Variants in CLIP3 observed in about 807,000 individuals in gnomAD.
The protein encoded by CLIP3 is CAP-Gly domain-containing linker protein 3.
CLIP3 carries 15 observed loss-of-function variants against 59.4 expected under a neutral mutation model. The ratio of observed to expected loss-of-function variants is 0.25; its 90% CI spans 0.17 to 0.39. The LOEUF is 0.39. Ranked by LOEUF, CLIP3 falls within the 10% of genes least tolerant of loss-of-function variation. The probability of loss-of-function intolerance (pLI) is 1.00; values close to 1 mark genes in which losing one functional copy is unlikely to be tolerated. For missense variants in CLIP3, 495 were observed against 765.7 expected, an observed-to-expected ratio of 0.65 and a Z score of 4.17; for synonymous variants, 300 against 321.6, an observed-to-expected ratio of 0.93 and a Z score of 0.72.
chr19:36,028,059 G>A (rs970270706), intron 2 of CLIP3, among the ~76,000 whole-genome samples: 1 of 152,146 alleles, frequency 6.6e-6, no homozygotes, highest in Non-Finnish European at 1.5e-5. Flanking sequence ...AATAGAGGCT[G>A]TGCGCGGTGG....
At chr19:36,027,087 G>A in intron 3 of CLIP3, 42 bp from the exon 4 acceptor site, 3 of 1,595,074 alleles carry the variant, frequency 1.9e-6, no homozygotes, top group Non-Finnish European at 2.6e-6. Flanking sequence ...CCACACATGT[G>A]GGGAACCGCA....
rs572372222 is a variant in CLIP3, at chr19:36,015,935, G to A, written c.*223C>T. On this transcript the variant is annotated 3_prime_UTR_variant, in exon 14 of 14. Transcript: ENST00000360535. ...GTTGGGGATAGGGACTAGCCTGAAG[G>A]TGCTACTCAGGGAATCTCTTTCTGG... 1.1e-4 allele frequency: 64 copies of A among 597,922 alleles called. 1 individual carries two copies. The South Asian group carries it at 1.2e-3, about 11-fold the overall frequency. The allele number at this position is 597,922 out of a possible 1,614,324, so 37.0% of individuals were successfully genotyped here. A position where few individuals can be genotyped will look rare whatever the true frequency, so the allele number is the denominator to read the frequency against.
At chr19:36,020,098 A>G (rs1353763460) in intron 7 of CLIP3, among the ~76,000 whole-genome samples, 1 of 152,000 alleles carries the variant, frequency 6.6e-6, no homozygotes, top group African/African-American at 2.4e-5. Flanking sequence ...AAAGAAAGAA[A>G]AAAGGTAACC....
intron 7 of CLIP3, 101 bp from the exon 8 acceptor site, chr19:36,019,407 G>A: frequency 7.0e-7 from 1 of 1,426,782 alleles, no homozygotes; most frequent in Non-Finnish European, 9.6e-7. Flanking sequence ...AGGCCGCCCT[G>A]GGCCCAAACC....
Position 36,016,122 on chromosome 19 carries a change from T to C in CLIP3, c.*36A>G. The C allele has an allele frequency of 6.2e-7, 1 of 1,612,102 alleles. No homozygotes were observed. Among genetic ancestry groups the C allele is most frequent in the Non-Finnish European group, 8.5e-7 (1 of 1,178,386 alleles). On this transcript the variant is annotated 3_prime_UTR_variant, in exon 14 of 14. Transcript: ENST00000360535. The surrounding 1 kb of genome is among the most constrained non-coding windows in gnomAD (Gnocchi z 4.1). The stretch of plus-strand genomic sequence containing the variant: ...CTCCTCGGGTGTCAGGAGATGCTAG[T>C]GGGGACTCTGTCTCTTTGTCAGGTG...
chr19:36,026,043 T>C lies in CLIP3; in HGVS notation c.681+104A>G. The C allele has an allele frequency of 3.9e-6, 3 of 777,450 alleles. No individual in the cohort carries two copies. The highest frequency in any genetic ancestry group is 6.7e-6 in the Non-Finnish European group (3 of 447,142). 48.2% of individuals were successfully genotyped at this position (777,450 alleles called of 1,614,324 possible). On this transcript the variant is annotated intron_variant, in intron 6 of 13. Coordinates refer to ENST00000360535, the MANE Select transcript of CLIP3 (RefSeq NM_015526.3). This position sits in a 1 kb window ranked among gnomAD's most constrained non-coding sequence, Gnocchi z 6.3. ...GCATTTGCTGAATGTACAGACGGCATTTGTAGTATTTGGGGAGTCACGGGA... is the reference window on the plus strand; with the variant it reads ...GCATTTGCTGAATGTACAGACGGCACTTGTAGTATTTGGGGAGTCACGGGA...
Position 36,026,977 on chromosome 19 carries a change from C to T in CLIP3, c.375G>A (p.Ala125=). ...CGACTCCGTGGGCCCCAGCTTTGCACGCATAGTGGAGCAGTGTCATGTCGG... is the reference window on the plus strand; with the variant it reads ...CGACTCCGTGGGCCCCAGCTTTGCATGCATAGTGGAGCAGTGTCATGTCGG... The part of the protein sequence containing the change: ...GLTDMTLLHY[A]CKAGAHGVGD... The change falls in exon 4 of 14, where the codon GCG becomes GCA. Residue 125 remains alanine (A), a synonymous_variant. Transcript: ENST00000360535. The surrounding 1 kb of genome is among the most constrained non-coding windows in gnomAD (Gnocchi z 6.3). 2 of 1,563,706 alleles carry T rather than the reference C, an allele frequency of 1.3e-6. No homozygotes were observed. Among genetic ancestry groups the T allele is most frequent in the Non-Finnish European group, 8.6e-7 (1 of 1,158,262 alleles).
intron 2 of CLIP3, among the ~76,000 whole-genome samples, chr19:36,029,776 C>T (rs1969209843): frequency 6.6e-6 from 1 of 152,152 alleles, no homozygotes; most frequent in African/African-American, 2.4e-5. Context: ...CTCAGTCAAT[C>T]TCTGTTGAAT....
At position 36,032,448 on chromosome 19, in the gene CLIP3, G is replaced by A. The variant is rs1969291298; in HGVS notation, c.-58-33C>T. ...CAGAGGTCAGCTGGAGAGGGTGCCC[G>A]GCAGGCTCCAGGGTCCAAGCCCCTA... On this transcript the variant is annotated intron_variant, in intron 1 of 13. Transcript: ENST00000360535. This position sits in a 1 kb window ranked among gnomAD's most constrained non-coding sequence, Gnocchi z 4.3. 2 of 577,706 alleles carry A rather than the reference G, an allele frequency of 3.5e-6. No individual in the cohort carries two copies. Among genetic ancestry groups the A allele is most frequent in the Admixed American group, 4.4e-5 (1 of 22,896 alleles). The allele number at this position is 577,706 out of a possible 1,614,324, so 35.8% of individuals were successfully genotyped here.
intron 2 of CLIP3, among the ~76,000 whole-genome samples, chr19:36,028,715 C>T (rs185301956): frequency 1.3e-3 from 193 of 152,304 alleles, no homozygotes; most frequent in African/African-American, 4.4e-3. Flanking sequence ...GTCTTCCCCA[C>T]GGCCCTCAGG....
In CLIP3 at chr19:36,015,902, T is replaced by C; in HGVS notation, c.*256A>G. On this transcript the variant is annotated 3_prime_UTR_variant, in exon 14 of 14. Coordinates refer to ENST00000360535, the MANE Select transcript of CLIP3 (RefSeq NM_015526.3). ...GAAATCTGTTAATCTGGGAATCTGCTCTGAGGGGTTGGGGATAGGGACTAG... is the reference window on the plus strand; with the variant it reads ...GAAATCTGTTAATCTGGGAATCTGCCCTGAGGGGTTGGGGATAGGGACTAG... 3.6e-6 allele frequency: 2 copies of C among 559,824 alleles called. No homozygotes were observed. Among genetic ancestry groups the C allele is most frequent in the South Asian group, 4.2e-5 (2 of 47,112 alleles). 34.7% of individuals were successfully genotyped at this position (559,824 alleles called of 1,614,324 possible). A position where few individuals can be genotyped will look rare whatever the true frequency, so the allele number is the denominator to read the frequency against.
At chr19:36,025,892 T>C (rs1404064965) in intron 6 of CLIP3, among the ~76,000 whole-genome samples, 1 of 152,224 alleles carries the variant, frequency 6.6e-6, no homozygotes, top group Non-Finnish European at 1.5e-5. Context: ...TGCACTGCCA[T>C]GGGATAGGCT....
chr19:36,031,004 TTTTCTTTTTTTTTTTTTTC>T (rs1568545499), intron 2 of CLIP3, among the ~76,000 whole-genome samples: 11 of 77,920 alleles, frequency 1.4e-4, no homozygotes, highest in African/African-American at 7.3e-4. Flanking sequence ...TCTTTTTTTC[TTTTCTTTTTTTTTTTTTTC>T]TTTTTTTTTT....
chr19:36,031,648 C>T (rs185051151), intron 2 of CLIP3, among the ~76,000 whole-genome samples: 1 of 152,338 alleles, frequency 6.6e-6, no homozygotes, highest in East Asian at 1.9e-4. Flanking sequence ...CCCCAACTCA[C>T]CCTCCAGTCT....
intron 7 of CLIP3, among the ~76,000 whole-genome samples, chr19:36,022,391 G>T (rs1053668152): frequency 6.6e-6 from 1 of 152,156 alleles, no homozygotes; most frequent in African/African-American, 2.4e-5. Context: ...ACTGGCTCCA[G>T]GTCCACAGGT....
intron 7 of CLIP3, among the ~76,000 whole-genome samples, chr19:36,021,512 C>T (rs1968950929): frequency 6.6e-6 from 1 of 151,418 alleles, no homozygotes; most frequent in Admixed American, 6.6e-5. Context: ...TGGTCTTGAA[C>T]TCCTGGGCTC....
In CLIP3 at chr19:36,017,945, C is replaced by G; in HGVS notation, c.1230G>C (p.Gln410His). The G allele has an allele frequency of 6.2e-7, 1 of 1,614,144 alleles. No homozygotes were observed. The highest frequency in any genetic ancestry group is 1.3e-5 in the African/African-American group (1 of 75,048). Residue 410 changes from glutamine (Q) to histidine (H), a missense_variant, in exon 10 of 14, where the codon CAG becomes CAC. Gln to His is a conservative substitution (Grantham distance 24). Transcript: ENST00000360535. Reference protein sequence around the residue: ...PSSPSLGSLQQRDGAKAEVGD... With the variant: ...PSSPSLGSLQHRDGAKAEVGD... ...CAACCTCAGCCTTGGCCCCGTCACGCTGCTGCAAGCTGCCCAGAGATGGGG... is the reference window on the plus strand; with the variant it reads ...CAACCTCAGCCTTGGCCCCGTCACGGTGCTGCAAGCTGCCCAGAGATGGGG...
At chr19:36,019,084 C>T in intron 8 of CLIP3, 58 bp from the exon 9 acceptor site, 2 of 1,595,868 alleles carry the variant, frequency 1.3e-6, no homozygotes, top group Middle Eastern at 1.7e-4. Flanking sequence ...GGCCCCCATC[C>T]TCCATCCCCT....
Position 36,017,845 on chromosome 19 carries a change from C to T in CLIP3, c.1327+3G>A, listed in dbSNP as rs376130329. The T allele has an allele frequency of 6.2e-7, 1 of 1,614,080 alleles. No homozygotes were observed. The highest frequency in any genetic ancestry group is 8.5e-7 in the Non-Finnish European group (1 of 1,180,046). On this transcript the variant is annotated splice_donor_region_variant and intron_variant, in intron 10 of 13. Coordinates refer to ENST00000360535, the MANE Select transcript of CLIP3 (RefSeq NM_015526.3). ...CCTCCCGGCCCAGAGTCCCCATCCT[C>T]ACCTGGGGCAAAGTCTGTCTTCCCG...
Sources: gnomAD v4.1 joint callset for allele counts (sites outside exome capture counted in the v4.1 genomes callset) on GRCh38, gnomAD v4.1.1 for gene constraint, Gnocchi (gnomAD v3.1) non-coding constraint, MANE v1.5 for transcripts, NCBI Gene and HGNC (gene_info 2026-07-23, HGNC 2026-07-21) for gene names.